The following MSRA variants were observed in gnomAD, a reference collection of about 807,000 sequenced individuals.
The protein encoded by MSRA is mitochondrial peptide methionine sulfoxide reductase.
In MSRA, 54 loss-of-function variants were observed where a neutral mutation model predicts 31.3. The ratio of observed to expected loss-of-function variants is 1.73; its 90% CI spans 1.39 to 2.17. The LOEUF is 2.17. Ranked by LOEUF, MSRA falls within the 30% of genes most tolerant of loss-of-function variation. MSRA has a pLI of 0.00. For missense variants in MSRA, 507 were observed against 300.9 expected (o/e 1.69, Z -5.07); for synonymous variants, 169 against 116.5 (o/e 1.45, Z -2.90).
At chr8:10,076,330 C>T (rs1451050823) in intron 1 of MSRA, among the ~76,000 whole-genome samples, 1 of 152,186 alleles carries the variant, frequency 6.6e-6, no homozygotes, top group African/African-American at 2.4e-5. Flanking sequence ...GTGACATCAC[C>T]ACACTCCCTG....
At chr8:10,372,789 A>G (rs1267321867) in intron 5 of MSRA, among the ~76,000 whole-genome samples, 1 of 152,280 alleles carries the variant, frequency 6.6e-6, no homozygotes, top group African/African-American at 2.4e-5. Flanking sequence ...AAGAGTCAAG[A>G]TAGACAACTA....
intron 1 of MSRA, among the ~76,000 whole-genome samples, chr8:10,154,294 C>T (rs2129038430): frequency 6.9e-6 from 1 of 144,830 alleles, no homozygotes; most frequent in South Asian, 2.2e-4. Flanking sequence ...AGGGGTGCTA[C>T]CCAATAAGGT....
chr8:10,405,914 GCACACACACATGCTCACATGTGCTCA>G (rs1188433182), intron 5 of MSRA, among the ~76,000 whole-genome samples: 3 of 152,196 alleles, frequency 2.0e-5, no homozygotes, highest in Non-Finnish European at 4.4e-5. Flanking sequence ...TACTCACAGT[GCACACACACATGCTCACATGTGCTCA>G]CACACACACA....
intron 4 of MSRA, among the ~76,000 whole-genome samples, chr8:10,319,544 A>G (rs1471692688): frequency 6.6e-6 from 1 of 151,968 alleles, no homozygotes; most frequent in Admixed American, 6.6e-5. Context: ...AATAATATGT[A>G]TCATAGTGCA....
chr8:10,059,534 G>A (rs565472739), intron 1 of MSRA, among the ~76,000 whole-genome samples: 1 of 152,190 alleles, frequency 6.6e-6, no homozygotes, highest in Non-Finnish European at 1.5e-5. Context: ...TATGAGAACA[G>A]AATGTTTTTA....
intron 2 of MSRA, among the ~76,000 whole-genome samples, chr8:10,240,843 C>G (rs574951168): frequency 2.6e-5 from 4 of 152,240 alleles, no homozygotes; most frequent in East Asian, 3.9e-4. Context: ...CCCCGCACCC[C>G]CATCCCCCAA....
At chr8:10,425,829 C>T (rs1379349253) in intron 5 of MSRA, among the ~76,000 whole-genome samples, 2 of 152,188 alleles carry the variant, frequency 1.3e-5, no homozygotes, top group African/African-American at 4.8e-5. Context: ...CCTTGGGATC[C>T]GATTTTTTAT....
intron 1 of MSRA, among the ~76,000 whole-genome samples, chr8:10,147,151 C>A (rs1051448853): frequency 6.6e-6 from 1 of 152,030 alleles, no homozygotes; most frequent in Non-Finnish European, 1.5e-5. Context: ...GGATGTGGCA[C>A]GAGTGGGAGA....
At chr8:10,397,391 G>C (rs970964600) in intron 5 of MSRA, among the ~76,000 whole-genome samples, 1 of 152,202 alleles carries the variant, frequency 6.6e-6, no homozygotes, top group Admixed American at 6.5e-5. Context: ...GAATGAACCT[G>C]TTATCCTGCA....
intron 2 of MSRA, among the ~76,000 whole-genome samples, chr8:10,230,612 G>A (rs571089187): frequency 2.0e-5 from 3 of 152,286 alleles, no homozygotes; most frequent in East Asian, 3.9e-4. Flanking sequence ...CTGTCAGTCT[G>A]TATAAACATT....
intron 3 of MSRA, among the ~76,000 whole-genome samples, chr8:10,289,084 C>T (rs955056382): frequency 1.5e-4 from 23 of 151,656 alleles, no homozygotes; most frequent in African/African-American, 4.6e-4. Flanking sequence ...GGCATGATCT[C>T]GGCTCACTGC....
intron 5 of MSRA, among the ~76,000 whole-genome samples, chr8:10,389,032 C>T (rs187186021): frequency 4.4e-4 from 67 of 152,206 alleles, no homozygotes; most frequent in East Asian, 9.6e-4. Flanking sequence ...ATTATTGGAA[C>T]GCTAAGCTTG....
intron 3 of MSRA, among the ~76,000 whole-genome samples, chr8:10,279,777 A>G (rs905309188): frequency 6.6e-6 from 1 of 152,182 alleles, no homozygotes; most frequent in African/African-American, 2.4e-5. Flanking sequence ...GTCCTGTGCT[A>G]TGTTTAGCAT....
chr8:10,118,344 G>T (rs1273137607), intron 1 of MSRA, among the ~76,000 whole-genome samples: 2 of 152,144 alleles, frequency 1.3e-5, no homozygotes, highest in Non-Finnish European at 2.9e-5. Flanking sequence ...GTGCTATGGG[G>T]AAGCACAGCT....
At chr8:10,176,502 C>T (rs1163560586) in intron 1 of MSRA, among the ~76,000 whole-genome samples, 2 of 152,200 alleles carry the variant, frequency 1.3e-5, no homozygotes, top group African/African-American at 4.8e-5. Flanking sequence ...GTCAGGAGCT[C>T]CTTTGTTTCC....
At chr8:10,201,293 G>A (rs1031880895) in intron 1 of MSRA, among the ~76,000 whole-genome samples, 7 of 152,148 alleles carry the variant, frequency 4.6e-5, no homozygotes, top group Non-Finnish European at 1.0e-4. Context: ...TTGGCATGGG[G>A]TTAATAACAT....
chr8:10,409,855 A>G (rs1233638061), intron 5 of MSRA, among the ~76,000 whole-genome samples: 1 of 152,222 alleles, frequency 6.6e-6, no homozygotes, highest in African/African-American at 2.4e-5. Context: ...TAAGGCTAGG[A>G]GTTCGAGACC....
At chr8:10,248,749 G>T (rs2952220) in intron 3 of MSRA, among the ~76,000 whole-genome samples, 3 of 152,216 alleles carry the variant, frequency 2.0e-5, no homozygotes, top group African/African-American at 7.2e-5. Context: ...GAGGAGGTGT[G>T]CCCATCGTGG....
At chr8:10,326,564 T>TG (rs1802374369) in intron 5 of MSRA, 1 of 152,210 alleles carries the variant, frequency 6.6e-6, no homozygotes, top group South Asian at 2.1e-4. Context: ...TGCTGGATTC[T>TG]GCTTACAGAA....
Sources: allele counts gnomAD v4.1 joint callset (sites outside exome capture counted in the v4.1 genomes callset), GRCh38; gene constraint gnomAD v4.1.1; transcripts MANE v1.5; gene names NCBI Gene and HGNC (gene_info 2026-07-23, HGNC 2026-07-21).